The following CDKAL1 variants were observed in gnomAD, a reference collection of about 807,000 sequenced individuals.
CDKAL1 encodes the protein threonylcarbamoyladenosine tRNA methylthiotransferase.
In CDKAL1, 32 loss-of-function variants were observed where a neutral mutation model predicts 68.2. That is an observed-to-expected ratio of 0.47 (90% confidence interval 0.35 to 0.63). CDKAL1 has a LOEUF of 0.63. Ranked by LOEUF, CDKAL1 falls within the 30% of genes least tolerant of loss-of-function variation. The pLI is 0.00. For missense variants in CDKAL1, 606 were observed against 696.7 expected (o/e 0.87, Z 1.47); for synonymous variants, 234 against 244.3 (o/e 0.96, Z 0.39).
chr6:20,935,008 G>A (rs974119319), intron 9 of CDKAL1, among the ~76,000 whole-genome samples: 1 of 147,042 alleles, frequency 6.8e-6, no homozygotes, highest in African/African-American at 2.5e-5. Context: ...CGATTCTCTT[G>A]CCTCAGCCTC....
chr6:21,052,279 C>G (rs1770581384), intron 11 of CDKAL1, among the ~76,000 whole-genome samples: 1 of 152,082 alleles, frequency 6.6e-6, no homozygotes, highest in South Asian at 2.1e-4. Flanking sequence ...TCTTCAAGTC[C>G]TTCATGATTT....
intron 8 of CDKAL1, among the ~76,000 whole-genome samples, chr6:20,790,624 C>T (rs1292594315): frequency 1.3e-5 from 2 of 152,196 alleles, no homozygotes; most frequent in East Asian, 1.9e-4. Flanking sequence ...CCCACTCGGT[C>T]CACCTGTGCT....
intron 7 of CDKAL1, among the ~76,000 whole-genome samples, chr6:20,763,314 CTT>C (rs1294153176): frequency 6.6e-6 from 1 of 152,192 alleles, no homozygotes; most frequent in Non-Finnish European, 1.5e-5. Flanking sequence ...TTCTGCAGCT[CTT>C]CTCTTCCTTG....
intron 13 of CDKAL1, among the ~76,000 whole-genome samples, chr6:21,191,454 C>T (rs1229411178): frequency 6.6e-6 from 1 of 152,206 alleles, no homozygotes; most frequent in Non-Finnish European, 1.5e-5. Context: ...AATTTAAAAA[C>T]ATTGCTATTT....
intron 9 of CDKAL1, among the ~76,000 whole-genome samples, chr6:20,910,801 C>T (rs949372407): frequency 2.0e-5 from 3 of 152,178 alleles, no homozygotes; most frequent in Non-Finnish European, 2.9e-5. Flanking sequence ...GATTGATGTC[C>T]TATAAAAAGC....
intron 13 of CDKAL1, among the ~76,000 whole-genome samples, chr6:21,128,167 T>A (rs866502741): frequency 5.9e-5 from 9 of 152,338 alleles, no homozygotes; most frequent in South Asian, 2.1e-4. Context: ...ACCATCCTGT[T>A]TTTACTCTCA....
At chr6:21,043,133 CAGTA>C (rs1205182502) in intron 11 of CDKAL1, among the ~76,000 whole-genome samples, 1 of 152,144 alleles carries the variant, frequency 6.6e-6, no homozygotes, top group Non-Finnish European at 1.5e-5. Context: ...CCTAACTTAG[CAGTA>C]AGTGAGGTTT....
chr6:20,852,830 T>G (rs1759090157), intron 9 of CDKAL1, among the ~76,000 whole-genome samples: 1 of 152,242 alleles, frequency 6.6e-6, no homozygotes, highest in Admixed American at 6.5e-5. Context: ...AGTGGGGCCC[T>G]GTTTAATGAG....
intron 12 of CDKAL1, among the ~76,000 whole-genome samples, chr6:21,092,786 T>A (rs1481934617): frequency 6.7e-6 from 1 of 150,130 alleles, no homozygotes; most frequent in East Asian, 1.9e-4. Flanking sequence ...AGAGAAGATA[T>A]TTTATTCATG....
chr6:20,939,930 C>T (rs1763893422), intron 9 of CDKAL1, among the ~76,000 whole-genome samples: 1 of 152,080 alleles, frequency 6.6e-6, no homozygotes, highest in Non-Finnish European at 1.5e-5. Context: ...TAATGGTTTA[C>T]AGTTAGAAGC....
chr6:20,863,191 A>C (rs1197080264), intron 9 of CDKAL1, among the ~76,000 whole-genome samples: 1 of 152,150 alleles, frequency 6.6e-6, no homozygotes, highest in Non-Finnish European at 1.5e-5. Flanking sequence ...CTGCTGGTGC[A>C]TGGGTCCCAC....
chr6:21,164,729 G>A (rs1777078516), intron 13 of CDKAL1, among the ~76,000 whole-genome samples: 1 of 152,058 alleles, frequency 6.6e-6, no homozygotes, highest in African/African-American at 2.4e-5. Flanking sequence ...CTTGAAACAG[G>A]CTTCCCGCCT....
At chr6:21,192,366 G>A (rs901344555) in intron 13 of CDKAL1, among the ~76,000 whole-genome samples, 10 of 152,144 alleles carry the variant, frequency 6.6e-5, no homozygotes, top group African/African-American at 2.4e-4. Context: ...TTAAAATGAT[G>A]AAATGAAGTT....
At chr6:20,636,318 G>T (rs912458070) in intron 4 of CDKAL1, among the ~76,000 whole-genome samples, 1 of 152,174 alleles carries the variant, frequency 6.6e-6, no homozygotes, top group Non-Finnish European at 1.5e-5. Flanking sequence ...CCTGTTTGGA[G>T]TCTTGGATCT....
rs70990083 is a variant in CDKAL1 at position 20,942,366 on chromosome 6, CT to C, written c.743-13035del. On this transcript the variant is annotated intron_variant, in intron 9 of 15. Transcript: ENST00000274695. The stretch of plus-strand genomic sequence containing the variant: ...TTTTTGCTTTAAATGTATATATATA[CT>C]TTTTTTTTTTTTTTTTTGAGATGGA... Among the ~76,000 whole-genome samples the C allele has an allele frequency of 1.3e-3, 157 of 124,824 alleles. 1 individual carries two copies. The highest frequency in any genetic ancestry group is 4.4e-3 in the Middle Eastern group (1 of 228). 81.9% of individuals were successfully genotyped at this position (124,824 alleles called of 152,430 possible).
At chr6:20,984,811 C>CA (rs1447911694) in intron 10 of CDKAL1, among the ~76,000 whole-genome samples, 6 of 92,286 alleles carry the variant, frequency 6.5e-5, no homozygotes, top group African/African-American at 1.7e-4. Context: ...GGCACAGTAA[C>CA]GGGGGGGGGT....
chr6:21,082,308 T>C (rs1018406211), intron 12 of CDKAL1, among the ~76,000 whole-genome samples: 4 of 151,998 alleles, frequency 2.6e-5, no homozygotes, highest in African/African-American at 9.7e-5. Flanking sequence ...TGGATGTTAA[T>C]ATGTGCCAGA....
At chr6:21,141,419 C>G (rs773075397) in intron 13 of CDKAL1, among the ~76,000 whole-genome samples, 1 of 152,198 alleles carries the variant, frequency 6.6e-6, no homozygotes. Flanking sequence ...GGACATTTGT[C>G]CCAGTGAATT....
chr6:20,652,105 G>A (rs1023229284), intron 5 of CDKAL1, among the ~76,000 whole-genome samples: 1 of 152,162 alleles, frequency 6.6e-6, no homozygotes, highest in Non-Finnish European at 1.5e-5. Context: ...TCAGTTGTTT[G>A]GAGTAGTTTC....
Sources: allele counts gnomAD v4.1 joint callset (sites outside exome capture counted in the v4.1 genomes callset), GRCh38; gene constraint gnomAD v4.1.1; transcripts MANE v1.5; gene names NCBI Gene and HGNC (gene_info 2026-07-23, HGNC 2026-07-21).